LRRC3B: variants seen among roughly 807,000 people sequenced by gnomAD.
The protein encoded by LRRC3B is leucine-rich repeat-containing protein 3B.
Under a neutral mutation model 12.8 loss-of-function variants are expected in LRRC3B, and 2 were observed. The ratio of observed to expected loss-of-function variants is 0.16; its 90% CI spans 0.06 to 0.49. The LOEUF (loss-of-function observed/expected upper bound fraction) is 0.49. LRRC3B is among the 20% of genes least tolerant of loss of function. LRRC3B has a pLI of 0.96. For synonymous variants in LRRC3B, 132 were observed against 122.0 expected, an observed-to-expected ratio of 1.08 and a Z score of -0.54; for missense variants, 189 against 319.4, an observed-to-expected ratio of 0.59 and a Z score of 3.11.
chr3:26,710,042 C>T (rs759744526), exon 2 of LRRC3B: 19 of 1,613,992 alleles, frequency 1.2e-5, no homozygotes, highest in Admixed American at 3.3e-5. Context: ...GTCCGACAAT[C>T]GGATTCAAAG....
intron 1 of LRRC3B, among the ~76,000 whole-genome samples, chr3:26,705,984 T>C (rs1006221340): frequency 6.6e-6 from 1 of 152,194 alleles, no homozygotes; most frequent in Admixed American, 6.5e-5. Flanking sequence ...CCTGGACATC[T>C]AAGTCTTTTT....
chr3:26,640,175 G>T (rs1698993756), intron 1 of LRRC3B, among the ~76,000 whole-genome samples: 2 of 152,040 alleles, frequency 1.3e-5, no homozygotes, highest in African/African-American at 4.8e-5. Context: ...GTGATTCAAA[G>T]AGCCTAATTT....
intron 1 of LRRC3B, among the ~76,000 whole-genome samples, chr3:26,642,859 A>G (rs1025302071): frequency 3.3e-5 from 5 of 152,084 alleles, no homozygotes; most frequent in Admixed American, 1.3e-4. Context: ...TCTACTAAAA[A>G]TACAAAAATT....
intron 1 of LRRC3B, among the ~76,000 whole-genome samples, chr3:26,690,532 C>A (rs1700168944): frequency 1.3e-5 from 2 of 152,108 alleles, no homozygotes; most frequent in Non-Finnish European, 2.9e-5. Flanking sequence ...TCATTGTTGA[C>A]AAAAGCTAAG....
chr3:26,639,097 A>G (rs1178583137), intron 1 of LRRC3B, among the ~76,000 whole-genome samples: 1 of 152,222 alleles, frequency 6.6e-6, no homozygotes, highest in Non-Finnish European at 1.5e-5. Flanking sequence ...CCCATTCTAT[A>G]TAGTCTTGAA....
intron 1 of LRRC3B, among the ~76,000 whole-genome samples, chr3:26,659,722 A>G (rs772328101): frequency 6.6e-6 from 1 of 152,148 alleles, no homozygotes; most frequent in Admixed American, 6.5e-5. Context: ...TGCTTTGTTT[A>G]GGTTTTCTGA....
exon 2 of LRRC3B, chr3:26,709,772 T>C: frequency 6.2e-7 from 1 of 1,614,158 alleles, no homozygotes; most frequent in Non-Finnish European, 8.5e-7. Flanking sequence ...TGCCAGTATG[T>C]GTCCCAAGGG....
At chr3:26,671,305 G>A (rs1440153819) in intron 1 of LRRC3B, among the ~76,000 whole-genome samples, 8 of 141,192 alleles carry the variant, frequency 5.7e-5, no homozygotes, top group Non-Finnish European at 1.1e-4. Flanking sequence ...GTGAGCCACC[G>A]CGCCCGGCCT....
intron 1 of LRRC3B, among the ~76,000 whole-genome samples, chr3:26,644,369 A>G (rs190159682): frequency 6.6e-6 from 1 of 152,218 alleles, no homozygotes; most frequent in Non-Finnish European, 1.5e-5. Context: ...TTGGTAACTC[A>G]GCCTAAAAAT....
intron 1 of LRRC3B, among the ~76,000 whole-genome samples, chr3:26,692,988 C>A (rs1700222686): frequency 6.6e-6 from 1 of 152,160 alleles, no homozygotes; most frequent in African/African-American, 2.4e-5. Flanking sequence ...TTCTTAACAT[C>A]CAGCAGGCTA....
intron 1 of LRRC3B, among the ~76,000 whole-genome samples, chr3:26,685,519 C>CTATATA (rs1426055308): frequency 1.9e-4 from 9 of 47,782 alleles, no homozygotes; most frequent in African/African-American, 4.8e-4. Context: ...CTCTCTCTCT[C>CTATATA]TCTCTATATA....
intron 1 of LRRC3B, among the ~76,000 whole-genome samples, chr3:26,684,139 G>A (rs1000837559): frequency 4.6e-5 from 7 of 152,262 alleles, no homozygotes; most frequent in East Asian, 1.9e-4. Context: ...TATTCTCCAC[G>A]TTTTTTAAAA....
chr3:26,637,165 T>G (rs1698919834), intron 1 of LRRC3B, among the ~76,000 whole-genome samples: 1 of 151,696 alleles, frequency 6.6e-6, no homozygotes, highest in Non-Finnish European at 1.5e-5. Flanking sequence ...CCCAGCTAAT[T>G]TTTTAGTAGA....
chr3:26,671,369 TATATAGAG>T (rs1553603745), intron 1 of LRRC3B, among the ~76,000 whole-genome samples: 44 of 38,194 alleles, frequency 1.2e-3, no homozygotes, highest in East Asian at 3.0e-3. Context: ...TATATATATA[TATATAGAG>T]AGAGAGAGAG....
intron 1 of LRRC3B, among the ~76,000 whole-genome samples, chr3:26,664,576 G>A (rs34299571): frequency 0.037 from 5,635 of 152,186 alleles, 183 homozygotes; most frequent in East Asian, 0.15. Context: ...CTATGCTGAA[G>A]AGTCCTATGA....
intron 1 of LRRC3B, among the ~76,000 whole-genome samples, chr3:26,689,925 G>A (rs1051429074): frequency 2.6e-5 from 4 of 152,196 alleles, no homozygotes; most frequent in Admixed American, 2.0e-4. Flanking sequence ...TTGGAAAGAC[G>A]AAGAGGAGGA....
intron 1 of LRRC3B, among the ~76,000 whole-genome samples, chr3:26,641,507 G>A (rs1699030532): frequency 6.6e-6 from 1 of 152,214 alleles, no homozygotes; most frequent in African/African-American, 2.4e-5. Context: ...CACAGGAAAG[G>A]GAAATCTGGG....
At chr3:26,684,890 C>G (rs1265616058) in intron 1 of LRRC3B, among the ~76,000 whole-genome samples, 3 of 152,194 alleles carry the variant, frequency 2.0e-5, no homozygotes, top group Non-Finnish European at 4.4e-5. Context: ...CTCTGTTACT[C>G]CATTCTCACA....
chr3:26,699,975 C>T (rs1700414013), intron 1 of LRRC3B, among the ~76,000 whole-genome samples: 1 of 151,988 alleles, frequency 6.6e-6, no homozygotes, highest in African/African-American at 2.4e-5. Flanking sequence ...TTTGTTTTTC[C>T]AGTGGATTCA....
Sources: allele counts gnomAD v4.1 joint callset (sites outside exome capture counted in the v4.1 genomes callset), GRCh38; gene constraint gnomAD v4.1.1; transcripts MANE v1.5; gene names NCBI Gene and HGNC (gene_info 2026-07-23, HGNC 2026-07-21).